PLCXD3: variants seen among roughly 807,000 people sequenced by gnomAD.
PLCXD3 encodes PI-PLC X domain-containing protein 3.
Under a neutral mutation model 25.5 loss-of-function variants are expected in PLCXD3, and 19 were observed. The ratio of observed to expected loss-of-function variants is 0.75; its 90% CI spans 0.52 to 1.09. PLCXD3 has a LOEUF of 1.09. PLCXD3 is among the 50% of genes least tolerant of loss of function. PLCXD3 has a pLI of 0.00. For missense variants in PLCXD3, 411 were observed against 388.1 expected, an observed-to-expected ratio of 1.06 and a Z score of -0.50; for synonymous variants, 174 against 137.6, an observed-to-expected ratio of 1.26 and a Z score of -1.85.
intron 1 of PLCXD3, among the ~76,000 whole-genome samples, chr5:41,461,249 A>T (rs1255565915): frequency 6.6e-6 from 1 of 152,004 alleles, no homozygotes; most frequent in South Asian, 2.1e-4. Context: ...AAATAAAAGG[A>T]AGAGAATCCT....
At chr5:41,485,172 C>G (rs1580396455) in intron 1 of PLCXD3, among the ~76,000 whole-genome samples, 1 of 152,160 alleles carries the variant, frequency 6.6e-6, no homozygotes, top group South Asian at 2.1e-4. Context: ...ATTCTACTTC[C>G]ATTTTTAGGT....
At chr5:41,420,828 A>G (rs1157614994) in intron 1 of PLCXD3, among the ~76,000 whole-genome samples, 1 of 152,182 alleles carries the variant, frequency 6.6e-6, no homozygotes, top group Non-Finnish European at 1.5e-5. Flanking sequence ...ATTGTCTGCA[A>G]GTTCTTGGTT....
chr5:41,403,130 A>T (rs2150500341), intron 1 of PLCXD3, among the ~76,000 whole-genome samples: 1 of 151,864 alleles, frequency 6.6e-6, no homozygotes, highest in South Asian at 2.1e-4. Context: ...TCTTATGCCA[A>T]CCTTCGGCCT....
intron 2 of PLCXD3, among the ~76,000 whole-genome samples, chr5:41,324,508 G>A (rs1017960963): frequency 6.6e-6 from 1 of 152,172 alleles, no homozygotes; most frequent in Non-Finnish European, 1.5e-5. Context: ...AATGCCTTTA[G>A]GAAATAGAGC....
intron 1 of PLCXD3, among the ~76,000 whole-genome samples, chr5:41,389,224 G>A (rs1226589399): frequency 6.6e-6 from 1 of 151,976 alleles, no homozygotes; most frequent in Non-Finnish European, 1.5e-5. Context: ...GAAATAAAAC[G>A]TACTGAAAAA....
chr5:41,432,843 C>T (rs542955368), intron 1 of PLCXD3, among the ~76,000 whole-genome samples: 2 of 152,162 alleles, frequency 1.3e-5, no homozygotes, highest in African/African-American at 4.8e-5. Flanking sequence ...TTGAACTGAC[C>T]TATTTACAGG....
At chr5:41,387,304 T>C (rs1272486439) in intron 1 of PLCXD3, among the ~76,000 whole-genome samples, 1 of 152,116 alleles carries the variant, frequency 6.6e-6, no homozygotes, top group Admixed American at 6.6e-5. Flanking sequence ...CTCTGATTTC[T>C]GATTCTAGCA....
chr5:41,488,779 TG>T lies in PLCXD3; in HGVS notation c.103+21644del, dbSNP rs1223598606. ...TTGCCCACTTTTTGATGGGGTTGTT[TG>T]TTTTTTTCTTGTAAATTTGTTTGAG... On this transcript the variant is annotated intron_variant, in intron 1 of 2. Transcript: ENST00000377801. Among the ~76,000 whole-genome samples, 28 of 147,832 alleles carry T rather than the reference TG, an allele frequency of 1.9e-4. 1 individual carries two copies. The highest frequency in any genetic ancestry group is 6.7e-4 in the South Asian group (3 of 4,502).
At chr5:41,351,809 C>A (rs1016148585) in intron 2 of PLCXD3, among the ~76,000 whole-genome samples, 7 of 152,082 alleles carry the variant, frequency 4.6e-5, no homozygotes, top group African/African-American at 1.7e-4. Context: ...CTTTAAGAAC[C>A]AAACAGATCT....
At chr5:41,374,329 A>T (rs1745215373) in intron 2 of PLCXD3, among the ~76,000 whole-genome samples, 1 of 152,126 alleles carries the variant, frequency 6.6e-6, no homozygotes, top group Admixed American at 6.6e-5. Context: ...CAGTTTGCCA[A>T]GTCCTAGGCT....
At chr5:41,486,892 T>C (rs1457134) in intron 1 of PLCXD3, among the ~76,000 whole-genome samples, 334 of 152,274 alleles carry the variant, frequency 2.2e-3, no homozygotes, top group African/African-American at 7.7e-3. Context: ...CTATTGTAAG[T>C]AGCAGAGCCA....
At chr5:41,478,310 A>G (rs990135132) in intron 1 of PLCXD3, among the ~76,000 whole-genome samples, 17 of 152,210 alleles carry the variant, frequency 1.1e-4, no homozygotes, top group African/African-American at 4.1e-4. Flanking sequence ...ATAAGTAATA[A>G]TAATTCATGA....
chr5:41,493,406 G>A (rs1370639573), intron 1 of PLCXD3, among the ~76,000 whole-genome samples: 1 of 152,228 alleles, frequency 6.6e-6, no homozygotes, highest in Non-Finnish European at 1.5e-5. Context: ...TGAGGAGGCA[G>A]TCTGCCCGTT....
intron 1 of PLCXD3, among the ~76,000 whole-genome samples, chr5:41,421,611 G>C (rs1040791600): frequency 6.6e-6 from 1 of 152,214 alleles, no homozygotes; most frequent in Non-Finnish European, 1.5e-5. Context: ...TGAGGCAGGA[G>C]AATGGCGTGA....
chr5:41,494,597 T>A (rs1415864026), intron 1 of PLCXD3, among the ~76,000 whole-genome samples: 1 of 152,170 alleles, frequency 6.6e-6, no homozygotes, highest in African/African-American at 2.4e-5. Flanking sequence ...TGGCAATGGA[T>A]GATGATATTA....
chr5:41,480,578 CTTTACTTG>C (rs1023183727), intron 1 of PLCXD3, among the ~76,000 whole-genome samples: 8 of 151,452 alleles, frequency 5.3e-5, no homozygotes, highest in Non-Finnish European at 7.4e-5. Flanking sequence ...TAGTTTGCTC[CTTTACTTG>C]TTTAAGGATT....
chr5:41,431,571 T>C (rs1333133068), intron 1 of PLCXD3, among the ~76,000 whole-genome samples: 3 of 152,236 alleles, frequency 2.0e-5, no homozygotes, highest in African/African-American at 7.2e-5. Context: ...ACTCACTAGA[T>C]ATTACATTAT....
chr5:41,463,948 T>A (rs1028807540), intron 1 of PLCXD3, among the ~76,000 whole-genome samples: 2 of 152,034 alleles, frequency 1.3e-5, no homozygotes, highest in African/African-American at 4.8e-5. Flanking sequence ...ATAACAGCAC[T>A]TTTTAATGTA....
At chr5:41,435,059 G>A (rs536739425) in intron 1 of PLCXD3, among the ~76,000 whole-genome samples, 35 of 152,278 alleles carry the variant, frequency 2.3e-4, no homozygotes, top group Non-Finnish European at 4.4e-4. Context: ...CAGTATTTCA[G>A]CATATAGAAT....
Sources: gnomAD v4.1 joint callset for allele counts (sites outside exome capture counted in the v4.1 genomes callset) on GRCh38, gnomAD v4.1.1 for gene constraint, MANE v1.5 for transcripts, NCBI Gene and HGNC (gene_info 2026-07-23, HGNC 2026-07-21) for gene names.